Variants in SLC9A7 observed in about 807,000 individuals in gnomAD.
SLC9A7 encodes sodium/hydrogen exchanger 7.
SLC9A7 carries 19 observed loss-of-function variants against 52.6 expected under a neutral mutation model. That is an observed-to-expected ratio of 0.36 (90% CI 0.25 to 0.53). The LOEUF (loss-of-function observed/expected upper bound fraction) is 0.53, where lower values mean the gene tolerates loss of function less well. Ranked by LOEUF, SLC9A7 falls within the 20% of genes least tolerant of loss-of-function variation. SLC9A7 has a pLI of 0.91. For synonymous variants in SLC9A7, 226 were observed against 252.1 expected (o/e 0.90, Z 0.98); for missense variants, 455 against 597.9 (o/e 0.76, Z 2.49).
Position 46,651,088 on chromosome X carries a change from T to C in SLC9A7, c.1350+22A>G, listed in dbSNP as rs760531706. On this transcript the variant is annotated intron_variant, in intron 10 of 16. Transcript: ENST00000616978. ...AGTGGTCGTCTCTGCATGTAGAAAA[T>C]GGTGGAACAAGAAAAGGATACAAAA... The C allele has an allele frequency of 8.2e-6, 9 of 1,099,159 alleles. No individual in the cohort carries two copies. In the South Asian group the frequency reaches 1.5e-4, roughly 18 times the overall value. 90.6% of individuals were successfully genotyped at this position (1,099,159 alleles called of 1,213,427 possible). A position where few individuals can be genotyped will look rare whatever the true frequency, so the allele number is the denominator to read the frequency against.
intron 1 of SLC9A7, among the ~76,000 whole-genome samples, chrX:46,750,330 C>A (rs1354697883): frequency 1.8e-5 from 2 of 111,453 alleles, no homozygotes; most frequent in Non-Finnish European, 3.8e-5. Context: ...GAAAATGGGA[C>A]CAATATTAGG....
chrX:46,682,308 C>A, intron 2 of SLC9A7, 28 bp downstream of exon 2: 1 of 1,193,179 alleles, frequency 8.4e-7, no homozygotes, highest in Non-Finnish European at 1.1e-6. Flanking sequence ...CATGTCAGGA[C>A]AAGGATGGCT....
chrX:46,641,294 T>A (rs1943402121), intron 12 of SLC9A7, among the ~76,000 whole-genome samples: 1 of 111,144 alleles, frequency 9.0e-6, no homozygotes, highest in Admixed American at 9.6e-5. Flanking sequence ...CCAAGGCAGT[T>A]ACAACAGCAA....
chrX:46,709,252 C>T (rs1283381269), intron 1 of SLC9A7, among the ~76,000 whole-genome samples: 1 of 109,862 alleles, frequency 9.1e-6, no homozygotes, highest in Non-Finnish European at 1.9e-5. Flanking sequence ...AAAAAAAATA[C>T]AAAAATTAGC....
chrX:46,620,530 G>T (rs972727030), intron 15 of SLC9A7, among the ~76,000 whole-genome samples: 1 of 112,121 alleles, frequency 8.9e-6, no homozygotes, highest in Non-Finnish European at 1.9e-5. Flanking sequence ...AACAGGGTTT[G>T]CCCTGCATGT....
intron 3 of SLC9A7, among the ~76,000 whole-genome samples, chrX:46,677,033 A>G (rs1339580387): frequency 3.6e-5 from 4 of 112,018 alleles, no homozygotes; most frequent in Non-Finnish European, 7.5e-5. Flanking sequence ...GCTGGCGTGC[A>G]GAAACACACA....
At chrX:46,652,317 A>T (rs1442057819) in intron 8 of SLC9A7, among the ~76,000 whole-genome samples, 1 of 110,411 alleles carries the variant, frequency 9.1e-6, no homozygotes, top group African/African-American at 3.3e-5. Context: ...CACCCAGCTA[A>T]TTTTTGTATT....
chrX:46,607,316 A>G, intron 16 of SLC9A7, 113 bp from the exon 17 acceptor site: 1 of 891,280 alleles, frequency 1.1e-6, no homozygotes, highest in Non-Finnish European at 1.5e-6. Context: ...GGACTATGAA[A>G]CTTGCCTGCC....
rs1229676921 is a variant in SLC9A7 at position 46,622,939 on chromosome X, C to T, written c.1741-1880G>A. Among the ~76,000 whole-genome samples the T allele has an allele frequency of 5.4e-5, 6 of 111,904 alleles. No homozygotes were observed. The South Asian group carries it at 1.1e-3, about 21-fold the overall frequency. ...CCGAAATGTAAGAACTAAGAAACAA[C>T]GCTTAGAGGCTACAAGGGGTAAATT... On this transcript the variant is annotated intron_variant, in intron 14 of 16. Coordinates refer to ENST00000616978, the MANE Select transcript of SLC9A7 (RefSeq NM_001257291.2).
At chrX:46,642,166 T>C (rs997537248) in intron 12 of SLC9A7, among the ~76,000 whole-genome samples, 2 of 112,234 alleles carry the variant, frequency 1.8e-5, no homozygotes, top group Non-Finnish European at 3.8e-5. Context: ...TTTTAGTTTC[T>C]TCCCCCCAAC....
At chrX:46,647,749 A>G (rs1310854802) in intron 11 of SLC9A7, among the ~76,000 whole-genome samples, 1 of 112,755 alleles carries the variant, frequency 8.9e-6, no homozygotes, top group Non-Finnish European at 1.9e-5. Context: ...CTGTACCTGT[A>G]TCTAAGTTCA....
In SLC9A7 at chrX:46,605,665, T is replaced by A. The variant is rs1602121777; in HGVS notation, c.*1287A>T. 1 of 112,275 alleles carries A rather than the reference T, an allele frequency of 8.9e-6. No individual in the cohort carries two copies. The highest frequency in any genetic ancestry group is 2.8e-4 in the East Asian group (1 of 3,605). The allele number at this position is 112,275 out of a possible 1,213,427, so 9.3% of individuals were successfully genotyped here. A position where few individuals can be genotyped will look rare whatever the true frequency, so the allele number is the denominator to read the frequency against. On this transcript the variant is annotated 3_prime_UTR_variant, in exon 17 of 17. Transcript: ENST00000616978. ...CTAGTCTTGAGACTACTATCTTGTA[T>A]TTCTTTGCAGTAATTTTTTTGCATT...
At position 46,633,954 on chromosome X, in the gene SLC9A7, G is replaced by A. The variant is rs768345380; in HGVS notation, c.1676+1635C>T. On this transcript the variant is annotated intron_variant, in intron 13 of 16. Transcript: ENST00000616978. ...CCCAAAGTGCTGGGATTACAGGCGT[G>A]AGCCACCATGCCCGGCCCAGGTACA... 1.6e-3 allele frequency among the ~76,000 whole-genome samples: 173 copies of A among 111,590 alleles called. 1 individual carries two copies. Among genetic ancestry groups the A allele is most frequent in the African/African-American group, 5.3e-3 (163 of 30,667 alleles).
At chrX:46,613,583 A>G (rs1452042859) in intron 15 of SLC9A7, among the ~76,000 whole-genome samples, 189 bp from the exon 16 acceptor site, 1 of 112,500 alleles carries the variant, frequency 8.9e-6, no homozygotes, top group African/African-American at 3.2e-5. Flanking sequence ...TCAGCCTTAA[A>G]TAGTAACTGT....
At chrX:46,621,702 A>ACATCCC (rs1943049690) in intron 14 of SLC9A7, among the ~76,000 whole-genome samples, 1 of 112,202 alleles carries the variant, frequency 8.9e-6, no homozygotes, top group Admixed American at 9.4e-5. Context: ...TCCAGTTTAA[A>ACATCCC]CATCCCCATC....
At chrX:46,627,215 G>A (rs931836938) in intron 14 of SLC9A7, among the ~76,000 whole-genome samples, 7 of 110,576 alleles carry the variant, frequency 6.3e-5, no homozygotes, top group African/African-American at 9.9e-5. Flanking sequence ...TCAGGAGGCC[G>A]AGGGAGGAGG....
chrX:46,662,678 TG>T (rs1312487286), intron 5 of SLC9A7, 35 bp from the exon 6 acceptor site: 1 of 1,081,320 alleles, frequency 9.2e-7, no homozygotes, highest in East Asian at 3.0e-5. Flanking sequence ...AAATTAGTTT[TG>T]GTTTCTGACC....
chrX:46,718,385 G>A (rs1317761739), intron 1 of SLC9A7, among the ~76,000 whole-genome samples: 2 of 111,925 alleles, frequency 1.8e-5, no homozygotes, highest in East Asian at 5.6e-4. Context: ...ACACAGGCCT[G>A]GGCAAGGACT....
At chrX:46,741,785 T>C (rs997131411) in intron 1 of SLC9A7, among the ~76,000 whole-genome samples, 1 of 110,274 alleles carries the variant, frequency 9.1e-6, no homozygotes, top group African/African-American at 3.3e-5. Flanking sequence ...AGTTGATAAA[T>C]TGGACTGCAT....
Sources: gnomAD v4.1 joint callset for allele counts (sites outside exome capture counted in the v4.1 genomes callset) on GRCh38, gnomAD v4.1.1 for gene constraint, MANE v1.5 for transcripts, NCBI Gene and HGNC (gene_info 2026-07-23, HGNC 2026-07-21) for gene names.